SPATA3: variants seen among roughly 807,000 people sequenced by gnomAD.
SPATA3 encodes spermatogenesis-associated protein 3.
A neutral mutation model predicts 5.7 loss-of-function variants in SPATA3; 6 were observed. The ratio of observed to expected loss-of-function variants is 1.06; its 90% CI spans 0.58 to 2.09. The LOEUF (loss-of-function observed/expected upper bound fraction) is 2.09, where lower values mean the gene tolerates loss of function less well. SPATA3 is among the 30% of genes most tolerant of loss of function. SPATA3 has a pLI of 0.00. For synonymous variants in SPATA3, 44 were observed against 48.4 expected (o/e 0.91, Z 0.37); for missense variants, 155 against 130.4 (o/e 1.19, Z -0.92).
exon 3 of SPATA3, chr2:231,002,761 G>A: frequency 6.6e-7 from 1 of 1,525,076 alleles, no homozygotes; most frequent in Non-Finnish European, 8.8e-7. Flanking sequence ...GGCTCTGGGG[G>A]CTCTAGGAGC....
intron 6 of SPATA3, among the ~76,000 whole-genome samples, chr2:231,017,110 C>T (rs1574678591): frequency 6.6e-6 from 1 of 152,182 alleles, no homozygotes; most frequent in East Asian, 1.9e-4. Context: ...CCTTAGTGCC[C>T]ATGGTACTGC....
intron 1 of SPATA3, among the ~76,000 whole-genome samples, chr2:230,998,240 T>C (rs1050010587): frequency 2.0e-5 from 3 of 152,204 alleles, no homozygotes; most frequent in African/African-American, 7.2e-5. Context: ...GAGTGCTAAA[T>C]ATAAGGCATG....
At chr2:231,016,798 G>A (rs574790804) in intron 6 of SPATA3, among the ~76,000 whole-genome samples, 8 of 152,132 alleles carry the variant, frequency 5.3e-5, no homozygotes, top group African/African-American at 9.7e-5. Context: ...CTGGAGGAGC[G>A]GGTGCCCTCT....
At chr2:231,018,037 A>ACCTCAG (rs1692975684) in intron 6 of SPATA3, among the ~76,000 whole-genome samples, 1 of 151,726 alleles carries the variant, frequency 6.6e-6, no homozygotes, top group Admixed American at 6.6e-5. Flanking sequence ...CCGTTCTCCT[A>ACCTCAG]CCTCAGCCTC....
intron 5 of SPATA3, among the ~76,000 whole-genome samples, chr2:231,013,227 T>A (rs1232977797): frequency 6.6e-6 from 1 of 152,092 alleles, no homozygotes; most frequent in East Asian, 1.9e-4. Context: ...AGGCAATGAC[T>A]GATTTGATTG....
downstream of SPATA3, among the ~76,000 whole-genome samples, chr2:231,011,135 T>C (rs1477503178): frequency 1.3e-5 from 2 of 151,290 alleles, no homozygotes; most frequent in African/African-American, 2.4e-5. Context: ...TATGTTATTA[T>C]TATTTATTTA....
chr2:231,003,298 G>C (rs148772412), downstream of SPATA3, among the ~76,000 whole-genome samples: 35 of 152,136 alleles, frequency 2.3e-4, no homozygotes, highest in African/African-American at 6.3e-4. Flanking sequence ...TGATCCTGTC[G>C]TTTGCCTGTG....
chr2:231,003,407 T>A (rs1692427315), downstream of SPATA3, among the ~76,000 whole-genome samples: 1 of 132,770 alleles, frequency 7.5e-6, no homozygotes, highest in Non-Finnish European at 1.7e-5. Context: ...GAGACTGGGG[T>A]TGAATGGACA....
chr2:231,001,944 G>A (rs11676232), intron 2 of SPATA3, among the ~76,000 whole-genome samples: 54,895 of 151,830 alleles, frequency 0.36, 10,045 homozygotes, highest in South Asian at 0.46. Flanking sequence ...GCCGAGTCCA[G>A]AAGGATCTTG....
intron 6 of SPATA3, among the ~76,000 whole-genome samples, chr2:231,016,797 C>T (rs1399185282): frequency 2.0e-5 from 3 of 152,156 alleles, no homozygotes; most frequent in South Asian, 2.1e-4. Context: ...CCTGGAGGAG[C>T]GGGTGCCCTC....
At chr2:231,000,429 G>C (rs12105962) in exon 2 of SPATA3, 388,367 of 1,545,954 alleles carry the variant, frequency 0.25, 50,449 homozygotes, top group Admixed American at 0.38. Context: ...AGCTCCGCTT[G>C]CTGGCGTCGT....
At chr2:231,005,499 T>C (rs200312916), downstream of SPATA3, among the ~76,000 whole-genome samples, 48 of 25,642 alleles carry the variant, frequency 1.9e-3, no homozygotes, top group East Asian at 3.3e-3. Context: ...ATCACCACCA[T>C]CATCACCACC....
chr2:231,002,741 C>A (rs1692401486), exon 3 of SPATA3: 3 of 1,532,768 alleles, frequency 2.0e-6, no homozygotes, highest in Non-Finnish European at 1.8e-6. Context: ...GCCCTCGGAA[C>A]TGTGGCTGTG....
intron 6 of SPATA3, among the ~76,000 whole-genome samples, chr2:231,017,230 G>A (rs748683881): frequency 6.6e-6 from 1 of 152,190 alleles, no homozygotes; most frequent in African/African-American, 2.4e-5. Flanking sequence ...TAACTGTAAA[G>A]TCTAAAGATA....
At chr2:230,997,028 G>A (rs1432113855) in intron 1 of SPATA3, among the ~76,000 whole-genome samples, 1 of 152,168 alleles carries the variant, frequency 6.6e-6, no homozygotes, top group Non-Finnish European at 1.5e-5. Flanking sequence ...ACAGTCAATT[G>A]AAGGAATTGG....
chr2:231,013,692 G>C (rs1042463024), intron 5 of SPATA3, among the ~76,000 whole-genome samples: 1 of 152,056 alleles, frequency 6.6e-6, no homozygotes, highest in African/African-American at 2.4e-5. Context: ...GCTTCACCGT[G>C]TTGGTCAGTC....
chr2:231,000,913 C>G (rs1295375723), intron 2 of SPATA3, among the ~76,000 whole-genome samples: 1 of 152,240 alleles, frequency 6.6e-6, no homozygotes, highest in Non-Finnish European at 1.5e-5. Flanking sequence ...CCATGCACCT[C>G]CGTGGGCCCT....
chr2:231,013,313 CT>C (rs768602279), intron 5 of SPATA3, among the ~76,000 whole-genome samples: 5 of 152,106 alleles, frequency 3.3e-5, no homozygotes, highest in African/African-American at 4.8e-5. Flanking sequence ...TCAGTTTGGA[CT>C]TTTTTTACCT....
At chr2:231,004,325 G>A (rs147352327), downstream of SPATA3, among the ~76,000 whole-genome samples, 29 of 152,320 alleles carry the variant, frequency 1.9e-4, no homozygotes, top group African/African-American at 6.5e-4. Flanking sequence ...GAGATAAGGT[G>A]TTAGAGGACA....
Sources: gnomAD v4.1 joint callset for allele counts (sites outside exome capture counted in the v4.1 genomes callset) on GRCh38, gnomAD v4.1.1 for gene constraint, MANE v1.5 for transcripts, NCBI Gene and HGNC (gene_info 2026-07-23, HGNC 2026-07-21) for gene names.